The following CPED1 variants were observed in gnomAD, a reference collection of about 807,000 sequenced individuals.
CPED1 encodes the protein cadherin like and PC-esterase domain containing 1.
Under a neutral mutation model 128.2 loss-of-function variants are expected in CPED1, and 114 were observed. The observed-to-expected ratio is 0.89, with a 90% CI of 0.76 to 1.04. The LOEUF (loss-of-function observed/expected upper bound fraction) is 1.04. Among genes scored for constraint, CPED1 ranks in the 50% least tolerant of loss-of-function variants. The pLI, the probability that CPED1 is intolerant of heterozygous loss-of-function variation, is 0.00. For synonymous variants in CPED1, 462 were observed against 426.7 expected (o/e 1.08, Z -1.02); for missense variants, 1,211 against 1,207.1 (o/e 1.00, Z -0.05).
At chr7:121,060,063 G>A (rs958217729) in intron 4 of CPED1, among the ~76,000 whole-genome samples, 1 of 152,310 alleles carries the variant, frequency 6.6e-6, no homozygotes, top group Non-Finnish European at 1.5e-5. Context: ...CCTGCACTCG[G>A]AGCAGCCGGC....
chr7:121,073,116 A>C (rs1191438974), intron 5 of CPED1, among the ~76,000 whole-genome samples: 3 of 152,210 alleles, frequency 2.0e-5, no homozygotes, highest in Admixed American at 6.6e-5. Context: ...CTGATGACTG[A>C]AGCCATACTG....
At chr7:121,253,997 C>T (rs1798747000) in intron 18 of CPED1, among the ~76,000 whole-genome samples, 1 of 152,018 alleles carries the variant, frequency 6.6e-6, no homozygotes, top group Admixed American at 6.6e-5. Flanking sequence ...CAGCATTAGA[C>T]AGACCTTCAA....
intron 2 of CPED1, among the ~76,000 whole-genome samples, chr7:120,992,476 T>A (rs1366181196): frequency 6.6e-6 from 1 of 151,918 alleles, no homozygotes; most frequent in Non-Finnish European, 1.5e-5. Context: ...AATTATAGAT[T>A]TATGTCAGAT....
chr7:121,039,535 A>G (rs559869951), intron 3 of CPED1, among the ~76,000 whole-genome samples: 12 of 152,192 alleles, frequency 7.9e-5, no homozygotes, highest in African/African-American at 2.6e-4. Flanking sequence ...CAATGTTAAT[A>G]TCTTTTAAGG....
chr7:121,193,665 G>A (rs1344533156), intron 16 of CPED1, among the ~76,000 whole-genome samples: 1 of 152,110 alleles, frequency 6.6e-6, no homozygotes, highest in Non-Finnish European at 1.5e-5. Flanking sequence ...CAACTACTAT[G>A]TGTTAGTAGG....
chr7:121,191,601 C>T (rs751858395), intron 16 of CPED1, among the ~76,000 whole-genome samples: 49 of 152,042 alleles, frequency 3.2e-4, no homozygotes, highest in Non-Finnish European at 4.9e-4. Flanking sequence ...ACTAGTGTGG[C>T]AAAACGGAAA....
intron 7 of CPED1, among the ~76,000 whole-genome samples, chr7:121,119,352 A>G (rs1795330091): frequency 6.6e-6 from 1 of 150,716 alleles, no homozygotes; most frequent in African/African-American, 2.4e-5. Context: ...GCCTTAGTAG[A>G]AACGGGGTTT....
intron 16 of CPED1, among the ~76,000 whole-genome samples, chr7:121,153,167 T>C (rs1292916443): frequency 6.6e-6 from 1 of 152,210 alleles, no homozygotes; most frequent in African/African-American, 2.4e-5. Flanking sequence ...ATATTACCTA[T>C]GTTTTATCAG....
At chr7:121,256,111 C>CAAAAAAAAAAAAAAAAAAAAAAAAA (rs1286167648) in intron 18 of CPED1, among the ~76,000 whole-genome samples, 5 of 34,152 alleles carry the variant, frequency 1.5e-4, no homozygotes, top group African/African-American at 5.5e-4. Context: ...CAATCCTAAG[C>CAAAAAAAAAAAAAAAAAAAAAAAAA]AAAAAAAAAA....
intron 16 of CPED1, among the ~76,000 whole-genome samples, chr7:121,198,043 T>G (rs1157585942): frequency 6.6e-6 from 1 of 152,122 alleles, no homozygotes; most frequent in African/African-American, 2.4e-5. Flanking sequence ...AATAACAATG[T>G]GTGGTTAGAT....
At chr7:121,254,109 G>C (rs1798749635) in intron 18 of CPED1, among the ~76,000 whole-genome samples, 1 of 151,244 alleles carries the variant, frequency 6.6e-6, no homozygotes, top group Admixed American at 6.6e-5. Context: ...AGAATATATA[G>C]TCTTCTCATC....
rs573702625 is a variant in CPED1, at chr7:121,266,647, G to A, written c.2532-60G>A. ...ATACAGTGAAATGTGAGGCAGTGCAGTTACAATGTTTACCTTCTGTTTTAG... is the reference window on the plus strand; with the variant it reads ...ATACAGTGAAATGTGAGGCAGTGCAATTACAATGTTTACCTTCTGTTTTAG... On this transcript the variant is annotated intron_variant, in intron 19 of 22. Transcript: ENST00000310396. 200 of 1,347,266 alleles carry A rather than the reference G, an allele frequency of 1.5e-4. No individual in the cohort carries two copies. In the African/African-American group the frequency reaches 2.7e-3, roughly 18 times the overall value. The allele number at this position is 1,347,266 out of a possible 1,614,324, so 83.5% of individuals were successfully genotyped here. A position where few individuals can be genotyped will look rare whatever the true frequency, so the allele number is the denominator to read the frequency against.
chr7:121,290,748 A>C (rs1792682542), intron 22 of CPED1, among the ~76,000 whole-genome samples: 1 of 152,158 alleles, frequency 6.6e-6, no homozygotes, highest in South Asian at 2.1e-4. Flanking sequence ...CCCATTCTGT[A>C]GGTTGTCTGT....
At chr7:121,024,047 G>A (rs1351565035) in intron 3 of CPED1, among the ~76,000 whole-genome samples, 1 of 152,040 alleles carries the variant, frequency 6.6e-6, no homozygotes, top group East Asian at 1.9e-4. Flanking sequence ...AAACATGTAA[G>A]ACTGCACTAT....
At chr7:121,255,441 A>G (rs1420432639) in intron 18 of CPED1, among the ~76,000 whole-genome samples, 1 of 152,138 alleles carries the variant, frequency 6.6e-6, no homozygotes, top group Admixed American at 6.6e-5. Flanking sequence ...ATCTATGACA[A>G]ACCCACAGCT....
chr7:121,046,987 T>A lies in CPED1; in HGVS notation c.534T>A (p.His178Gln), dbSNP rs762421844. Residue 178 changes from histidine to glutamine, a missense_variant, in exon 4 of 23, where the codon CAT becomes CAA. Transcript: ENST00000310396. ...AAGTCATGTGCCAGTTAGGTTTACATCAAAAGGTAAATACTCTCAAGATGT... is the reference window on the plus strand; with the variant it reads ...AAGTCATGTGCCAGTTAGGTTTACAACAAAAGGTAAATACTCTCAAGATGT... Reference protein sequence around the residue: ...SKEVMCQLGLHQKANRLPEIQ... With the variant: ...SKEVMCQLGLQQKANRLPEIQ... The A allele has an allele frequency of 5.7e-5, 91 of 1,601,602 alleles. No individual in the cohort carries two copies. Among genetic ancestry groups the A allele is most frequent in the Non-Finnish European group, 7.3e-5 (85 of 1,169,236 alleles).
intron 16 of CPED1, among the ~76,000 whole-genome samples, chr7:121,189,915 G>T (rs1321335271): frequency 1.3e-5 from 2 of 150,758 alleles, no homozygotes; most frequent in Non-Finnish European, 3.0e-5. Flanking sequence ...TATTTCCTGA[G>T]TGCCTACTGA....
chr7:121,078,503 A>G (rs1794194465), intron 5 of CPED1, among the ~76,000 whole-genome samples: 8 of 3,838 alleles, frequency 2.1e-3, no homozygotes, highest in Admixed American at 6.2e-3. Context: ...AGAAAGAAAA[A>G]AAAAAAAAAA....
intron 16 of CPED1, among the ~76,000 whole-genome samples, chr7:121,148,007 C>T (rs1796065326): frequency 6.6e-6 from 1 of 151,936 alleles, no homozygotes; most frequent in Admixed American, 6.6e-5. Flanking sequence ...TAAAATAGCT[C>T]AAGTGATAGT....
Sources: allele counts gnomAD v4.1 joint callset (sites outside exome capture counted in the v4.1 genomes callset), GRCh38; gene constraint gnomAD v4.1.1; transcripts MANE v1.5; gene names NCBI Gene and HGNC (gene_info 2026-07-23, HGNC 2026-07-21).